MLLT10: variants seen among roughly 807,000 people sequenced by gnomAD.
The protein encoded by MLLT10 is MLLT10 histone lysine methyltransferase DOT1L cofactor.
MLLT10 carries 30 observed loss-of-function variants against 129.1 expected under a neutral mutation model. The observed-to-expected ratio is 0.23, with a 90% confidence interval of 0.17 to 0.32. The LOEUF (loss-of-function observed/expected upper bound fraction) is 0.32. MLLT10 is among the 10% of genes least tolerant of loss of function. The pLI is 1.00. For synonymous variants in MLLT10, 490 were observed against 446.4 expected (o/e 1.10, Z -1.23); for missense variants, 1,119 against 1,268.3 (o/e 0.88, Z 1.79).
intron 3 of MLLT10, among the ~76,000 whole-genome samples, chr10:21,562,211 C>T (rs1172605444): frequency 6.6e-6 from 1 of 151,812 alleles, no homozygotes. Flanking sequence ...ATTTGAGGTC[C>T]CTTGAGATTC....
intron 8 of MLLT10, among the ~76,000 whole-genome samples, chr10:21,619,918 T>G (rs973480651): frequency 6.6e-5 from 10 of 151,386 alleles, no homozygotes; most frequent in Non-Finnish European, 1.5e-4. Flanking sequence ...TTTAAGTTTT[T>G]TTTTCTTTTT....
In MLLT10 at chr10:21,670,555, C is replaced by T; in HGVS notation, c.902C>T (p.Thr301Ile). ...NANFQEVSAH[T>I]SSGKDVSETR... Reference sequence around the variant, plus strand: ...AATTTCCAGGAAGTCTCTGCACACACCTCTAGTGGAAAAGATGTTTCAGAG... The same window carrying T: ...AATTTCCAGGAAGTCTCTGCACACATCTCTAGTGGAAAAGATGTTTCAGAG... Residue 301 changes from threonine to isoleucine, a missense_variant, in exon 10 of 23, where the codon ACC becomes ATC. Physicochemically the swap from Thr to Ile is moderately conservative, Grantham distance 89 (BLOSUM62 -1). This residue lies in a region of MLLT10 where 1,004 missense variants were observed against 1,008.7 expected (regional missense o/e 1.00). Transcript: ENST00000307729. 3.7e-6 allele frequency: 6 copies of T among 1,614,122 alleles called. No individual in the cohort carries two copies. Among genetic ancestry groups the T allele is most frequent in the South Asian group, 1.1e-5 (1 of 91,072 alleles).
At chr10:21,582,220 C>T (rs191423948) in intron 3 of MLLT10, among the ~76,000 whole-genome samples, 8 of 151,910 alleles carry the variant, frequency 5.3e-5, no homozygotes, top group East Asian at 3.9e-4. Context: ...TAGGTTCAAT[C>T]GATTTTTGTG....
At chr10:21,736,696 C>T (rs753487508) in intron 21 of MLLT10, among the ~76,000 whole-genome samples, 5 of 152,140 alleles carry the variant, frequency 3.3e-5, no homozygotes, top group African/African-American at 4.8e-5. Context: ...AGAACCCAAC[C>T]AATTTTGGAG....
chr10:21,607,468 G>T (rs890494892), intron 5 of MLLT10, among the ~76,000 whole-genome samples: 3 of 151,856 alleles, frequency 2.0e-5, no homozygotes, highest in Admixed American at 6.6e-5. Flanking sequence ...TTACAGGCAT[G>T]CGTCACCACG....
At chr10:21,666,097 T>A (rs1435455027) in intron 9 of MLLT10, among the ~76,000 whole-genome samples, 1 of 152,218 alleles carries the variant, frequency 6.6e-6, no homozygotes. Context: ...TATGTTTGAT[T>A]GAACTTTTTT....
intron 5 of MLLT10, among the ~76,000 whole-genome samples, chr10:21,606,951 A>G (rs1271854508): frequency 1.3e-5 from 2 of 152,208 alleles, no homozygotes; most frequent in African/African-American, 2.4e-5. Context: ...GGAAGAGTCA[A>G]TTGATATAGC....
chr10:21,567,391 C>G (rs936508854), intron 3 of MLLT10, among the ~76,000 whole-genome samples: 5 of 152,002 alleles, frequency 3.3e-5, no homozygotes, highest in African/African-American at 9.7e-5. Context: ...TGGATGTGGC[C>G]TTGTTTGTTA....
At chr10:21,611,235 C>T (rs1405668883) in intron 5 of MLLT10, among the ~76,000 whole-genome samples, 3 of 151,210 alleles carry the variant, frequency 2.0e-5, no homozygotes, top group African/African-American at 4.9e-5. Flanking sequence ...TCTCGAACTC[C>T]TGACCTCAGG....
chr10:21,603,621 C>G (rs1178782825), intron 5 of MLLT10, among the ~76,000 whole-genome samples: 1 of 152,078 alleles, frequency 6.6e-6, no homozygotes, highest in African/African-American at 2.4e-5. Flanking sequence ...TTTTCATACA[C>G]CCCCTGTAGT....
intron 4 of MLLT10, among the ~76,000 whole-genome samples, chr10:21,590,453 C>T (rs1190654180): frequency 2.6e-5 from 4 of 151,998 alleles, no homozygotes; most frequent in African/African-American, 9.7e-5. Context: ...GATTCTCTGC[C>T]TCAGCCTCCC....
At chr10:21,735,084 C>A in intron 20 of MLLT10, 55 bp from the exon 21 acceptor site, 1 of 1,301,580 alleles carries the variant, frequency 7.7e-7, no homozygotes, top group Non-Finnish European at 1.1e-6. Context: ...TTTTAGACTT[C>A]TAAAAATGCA....
intron 5 of MLLT10, among the ~76,000 whole-genome samples, chr10:21,611,854 C>T (rs1298504582): frequency 6.6e-6 from 1 of 152,158 alleles, no homozygotes; most frequent in Non-Finnish European, 1.5e-5. Flanking sequence ...TCCTCACAGA[C>T]AGTGGAAATG....
At position 21,612,422 on chromosome 10, in the gene MLLT10, T is replaced by C; in HGVS notation, c.480T>C (p.His160=). ...GTGCTTGCATGACATGTAATAAACA[T>C]GGATGTCGACAGGCTTTCCATGTAA... ...ATGACMTCNK[H]GCRQAFHVTC... Residue 160 remains histidine (H), a synonymous_variant, in exon 6 of 23, where the codon CAT becomes CAC. Coordinates refer to ENST00000307729, the MANE Select transcript of MLLT10 (RefSeq NM_001195626.3). 1 of 1,612,830 alleles carries C rather than the reference T, an allele frequency of 6.2e-7. No individual in the cohort carries two copies. The highest frequency in any genetic ancestry group is 8.5e-7 in the Non-Finnish European group (1 of 1,179,234).
At chr10:21,581,139 G>A (rs568200019) in intron 3 of MLLT10, among the ~76,000 whole-genome samples, 27 of 149,470 alleles carry the variant, frequency 1.8e-4, no homozygotes, top group South Asian at 2.1e-4. Context: ...TCTGCTTCCC[G>A]GGTTCACACC....
intron 2 of MLLT10, 73 bp downstream of exon 2, chr10:21,534,877 A>T: frequency 9.3e-7 from 1 of 1,081,040 alleles, no homozygotes; most frequent in Non-Finnish European, 1.1e-6. Flanking sequence ...CCTGGGCCGC[A>T]ACCGCCGGCG....
intron 9 of MLLT10, among the ~76,000 whole-genome samples, chr10:21,664,826 G>T (rs1197567614): frequency 3.3e-5 from 5 of 151,866 alleles, no homozygotes; most frequent in Non-Finnish European, 7.4e-5. Context: ...AAATCTACTG[G>T]CTGATATTAA....
intron 3 of MLLT10, among the ~76,000 whole-genome samples, chr10:21,545,216 A>G (rs748865365): frequency 2.0e-5 from 3 of 152,040 alleles, no homozygotes; most frequent in Non-Finnish European, 4.4e-5. Flanking sequence ...TTGAAGCTGC[A>G]TAGAGGGAAA....
At chr10:21,546,662 G>A (rs2036127452) in intron 3 of MLLT10, among the ~76,000 whole-genome samples, 1 of 151,844 alleles carries the variant, frequency 6.6e-6, no homozygotes, top group South Asian at 2.1e-4. Context: ...CTGCCTCCTG[G>A]GTTCAAGTGA....
Sources: gnomAD v4.1 joint callset for allele counts (sites outside exome capture counted in the v4.1 genomes callset) on GRCh38, gnomAD v4.1.1 for gene constraint, gnomAD v4.1.1 regional missense constraint, MANE v1.5 for transcripts, NCBI Gene and HGNC (gene_info 2026-07-23, HGNC 2026-07-21) for gene names.